The following NAP1L4 variants were observed in gnomAD, a reference collection of about 807,000 sequenced individuals.
The protein encoded by NAP1L4 is nucleosome assembly protein 1 like 4, also known as nucleosome assembly protein 1-like 4.
In NAP1L4, 15 loss-of-function variants were observed where a neutral mutation model predicts 58.2. The ratio of observed to expected loss-of-function variants is 0.26; its 90% CI spans 0.17 to 0.40. The LOEUF is 0.40. Ranked by LOEUF, NAP1L4 falls within the 10% of genes least tolerant of loss-of-function variation. The pLI, the probability that NAP1L4 is intolerant of heterozygous loss-of-function variation, is 1.00. For missense variants in NAP1L4, 384 were observed against 451.1 expected, an observed-to-expected ratio of 0.85 and a Z score of 1.35; for synonymous variants, 171 against 155.6, an observed-to-expected ratio of 1.10 and a Z score of -0.74.
chr11:2,986,382 AAAAAAG>A (rs58755333), intron 1 of NAP1L4, among the ~76,000 whole-genome samples: 41,437 of 143,034 alleles, frequency 0.29, 6,823 homozygotes, highest in East Asian at 0.66. Context: ...TCAAAAAAAA[AAAAAAG>A]AAAAAGAAAG....
chr11:2,956,254 G>A (rs1347016143), intron 10 of NAP1L4, among the ~76,000 whole-genome samples: 7 of 152,138 alleles, frequency 4.6e-5, no homozygotes, highest in Non-Finnish European at 7.4e-5. Flanking sequence ...TTTGTTTGGA[G>A]AGTGCTGGAA....
intron 1 of NAP1L4, chr11:2,991,076 G>A (rs1472499479): frequency 4.4e-6 from 2 of 456,502 alleles, no homozygotes; most frequent in South Asian, 1.5e-5. Context: ...AGACGAATGT[G>A]CCCCGACGAT....
chr11:2,944,724 GA>G lies in NAP1L4; in HGVS notation c.*954del, dbSNP rs1845849937. 1 of 152,238 alleles carries G rather than the reference GA, an allele frequency of 6.6e-6. No individual in the cohort carries two copies. Among genetic ancestry groups the G allele is most frequent in the Non-Finnish European group, 1.5e-5 (1 of 68,056 alleles). 9.4% of individuals were successfully genotyped at this position (152,238 alleles called of 1,614,324 possible). A position where few individuals can be genotyped will look rare whatever the true frequency, so the allele number is the denominator to read the frequency against. ...GGACTTGACGCTCATACGCTCCACTGAAACGCAGGACTTCCCAGCCCAGTCC... is the reference window on the plus strand; with the variant it reads ...GGACTTGACGCTCATACGCTCCACTGAACGCAGGACTTCCCAGCCCAGTCC... On this transcript the variant is annotated 3_prime_UTR_variant, in exon 16 of 16. Coordinates refer to ENST00000380542, the MANE Select transcript of NAP1L4 (RefSeq NM_005969.4).
chr11:2,979,556 T>C (rs1044250022), intron 1 of NAP1L4, among the ~76,000 whole-genome samples: 2 of 152,162 alleles, frequency 1.3e-5, no homozygotes, highest in Non-Finnish European at 2.9e-5. Flanking sequence ...GTGGGTCACT[T>C]GAGCTCAGGA....
Position 2,945,483 on chromosome 11 carries a change from T to G in NAP1L4, c.*196A>C, listed in dbSNP as rs1845891493. 16 of 761,774 alleles carry G rather than the reference T, an allele frequency of 2.1e-5. No homozygotes were observed. Among genetic ancestry groups the G allele is most frequent in the Non-Finnish European group, 3.3e-5 (16 of 486,624 alleles). 47.2% of individuals were successfully genotyped at this position (761,774 alleles called of 1,614,324 possible). A position where few individuals can be genotyped will look rare whatever the true frequency, so the allele number is the denominator to read the frequency against. On this transcript the variant is annotated 3_prime_UTR_variant, in exon 16 of 16. Transcript: ENST00000380542. ...AAAGGAAAAGTGAAAGTGAAAATCATGCACTTGAAAACGAGTTAGATGGAG... is the reference window on the plus strand; with the variant it reads ...AAAGGAAAAGTGAAAGTGAAAATCAGGCACTTGAAAACGAGTTAGATGGAG...
chr11:2,972,646 G>A (rs1485508629), intron 4 of NAP1L4, among the ~76,000 whole-genome samples: 1 of 152,182 alleles, frequency 6.6e-6, no homozygotes, highest in Non-Finnish European at 1.5e-5. Context: ...TATTGAAAAT[G>A]TTCTTTGGAC....
chr11:2,963,969 G>C, intron 8 of NAP1L4: 1 of 503,660 alleles, frequency 2.0e-6, no homozygotes, highest in South Asian at 1.4e-5. Context: ...TCAGATAAAA[G>C]TAAGGGCTGA....
rs771332462 is a variant in NAP1L4, at chr11:2,976,042, G to C, written c.155C>G (p.Pro52Arg). The C allele has an allele frequency of 1.2e-6, 2 of 1,613,832 alleles. No homozygotes were observed. Among genetic ancestry groups the C allele is most frequent in the Admixed American group, 1.7e-5 (1 of 59,956 alleles). The stretch of plus-strand genomic sequence containing the variant: ...CACTTACGTTTCGATGTAGCTGGAA[G>C]GGGTGTGAGGGACATTGTCAAGTCG... ...QERLDNVPHT[P>R]SSYIETLPKA... Residue 52 changes from proline (P) to arginine (R), a missense_variant, in exon 4 of 16, where the codon CCT (proline) becomes CGT (arginine). This residue lies in a region of NAP1L4 where 84 missense variants were observed against 73.7 expected (regional missense o/e 1.14). Coordinates refer to ENST00000380542, the MANE Select transcript of NAP1L4 (RefSeq NM_005969.4).
At chr11:2,976,191 T>C (rs1458022931) in intron 3 of NAP1L4, 68 bp from the exon 4 acceptor site, 4 of 1,173,334 alleles carry the variant, frequency 3.4e-6, no homozygotes, top group Non-Finnish European at 4.9e-6. Context: ...GAGTCAAAAA[T>C]TAGTAACATA....
intron 6 of NAP1L4, among the ~76,000 whole-genome samples, chr11:2,970,857 CCA>C (rs1491489107): frequency 5.5e-4 from 61 of 111,664 alleles, no homozygotes; most frequent in East Asian, 1.3e-3. Flanking sequence ...CACCCCCCCC[CCA>C]AAAAAAAAAC....
At chr11:2,986,034 C>T (rs1848597042) in intron 1 of NAP1L4, among the ~76,000 whole-genome samples, 1 of 152,128 alleles carries the variant, frequency 6.6e-6, no homozygotes, top group Non-Finnish European at 1.5e-5. Flanking sequence ...CCTTAAATTC[C>T]TAATTTTGAA....
chr11:2,986,438 G>C (rs1027896594), intron 1 of NAP1L4, among the ~76,000 whole-genome samples: 3 of 151,620 alleles, frequency 2.0e-5, no homozygotes, highest in African/African-American at 7.3e-5. Context: ...CAAAGCTAGA[G>C]AGTGTAGTCG....
chr11:2,951,181 C>A lies in NAP1L4; in HGVS notation c.1122+78G>T. On this transcript the variant is annotated intron_variant, in intron 14 of 15. Transcript: ENST00000380542. This position sits in a 1 kb window ranked among gnomAD's most constrained non-coding sequence, Gnocchi z 4.0. ...ATAATGAATATTGTTAACACTACTG[C>A]CTCAAAGTGGGGAACATTTTTAAAA... 9.0e-7 allele frequency: 1 copy of A among 1,111,352 alleles called. No individual in the cohort carries two copies. Among genetic ancestry groups the A allele is most frequent in the East Asian group, 2.4e-5 (1 of 42,024 alleles). The allele number at this position is 1,111,352 out of a possible 1,614,324, so 68.8% of individuals were successfully genotyped here.
At chr11:2,979,778 A>AAT (rs1564989151) in intron 1 of NAP1L4, among the ~76,000 whole-genome samples, 1 of 151,970 alleles carries the variant, frequency 6.6e-6, no homozygotes. Context: ...ATCTAAAAAA[A>AAT]AAAATAAAAT....
chr11:2,979,907 C>A (rs1848206576), intron 1 of NAP1L4, among the ~76,000 whole-genome samples: 1 of 152,120 alleles, frequency 6.6e-6, no homozygotes, highest in African/African-American at 2.4e-5. Context: ...GATAGCCCAA[C>A]CATTTTAGAG....
At chr11:2,958,703 T>C in intron 9 of NAP1L4, 159 bp from the exon 10 acceptor site, 3 of 704,264 alleles carry the variant, frequency 4.3e-6, no homozygotes, top group Non-Finnish European at 6.9e-6. Flanking sequence ...CATCTGGAGG[T>C]TGGCAAAAAG....
chr11:2,967,075 G>A (rs923163544), intron 7 of NAP1L4, among the ~76,000 whole-genome samples: 3 of 152,030 alleles, frequency 2.0e-5, no homozygotes, highest in Non-Finnish European at 2.9e-5. Flanking sequence ...TAGAACAAAG[G>A]GACTCAGAGT....
chr11:2,952,930 C>T (rs955986508), intron 12 of NAP1L4, among the ~76,000 whole-genome samples: 4 of 147,814 alleles, frequency 2.7e-5, no homozygotes, highest in South Asian at 2.3e-4. Flanking sequence ...TGTTGGGGTA[C>T]GGTCTAGAAA....
chr11:2,981,418 CAAAAAAAAAAAAA>C lies in NAP1L4; in HGVS notation c.-17-2194_-17-2182del, dbSNP rs35499396. Among the ~76,000 whole-genome samples, 22 of 41,286 alleles carry C rather than the reference CAAAAAAAAAAAAA, an allele frequency of 5.3e-4. 1 individual carries two copies. The highest frequency in any genetic ancestry group is 0.042 in the Middle Eastern group (2 of 48). The allele number at this position is 41,286 out of a possible 152,430, so 27.1% of individuals were successfully genotyped here. Reference sequence around the variant, plus strand: ...GGACAACAGAGCAAGTACCCTGTCTCAAAAAAAAAAAAAAAAAAAAAAAAAAAGGCAATAAACC... The same window carrying C: ...GGACAACAGAGCAAGTACCCTGTCTCAAAAAAAAAAAAAAGGCAATAAACC... On this transcript the variant is annotated intron_variant, in intron 1 of 15. Coordinates refer to ENST00000380542, the MANE Select transcript of NAP1L4 (RefSeq NM_005969.4).
Sources: gnomAD v4.1 joint callset for allele counts (sites outside exome capture counted in the v4.1 genomes callset) on GRCh38, gnomAD v4.1.1 for gene constraint, gnomAD v4.1.1 regional missense constraint, Gnocchi (gnomAD v3.1) non-coding constraint, MANE v1.5 for transcripts, NCBI Gene and HGNC (gene_info 2026-07-23, HGNC 2026-07-21) for gene names.